Variants in FNDC7 observed in about 807,000 individuals in gnomAD.
FNDC7 encodes fibronectin type III domain containing 7.
In FNDC7, 66 loss-of-function variants were observed where a neutral mutation model predicts 74.2. The observed-to-expected ratio is 0.89, with a 90% confidence interval of 0.73 to 1.09. FNDC7 has a LOEUF of 1.09. Ranked by LOEUF, FNDC7 falls within the 50% of genes least tolerant of loss-of-function variation. The pLI is 0.00. For missense variants in FNDC7, 829 were observed against 893.4 expected, an observed-to-expected ratio of 0.93 and a Z score of 0.92; for synonymous variants, 307 against 330.2, an observed-to-expected ratio of 0.93 and a Z score of 0.76.
At chr1:108,727,355 A>C (rs553824728) in intron 6 of FNDC7, among the ~76,000 whole-genome samples, 11 of 151,378 alleles carry the variant, frequency 7.3e-5, no homozygotes, top group Middle Eastern at 3.4e-3. Flanking sequence ...ACAACAACAA[A>C]AAAACTACTT....
chr1:108,718,285 A>C (rs1661021840), intron 3 of FNDC7, among the ~76,000 whole-genome samples: 1 of 152,186 alleles, frequency 6.6e-6, no homozygotes, highest in Non-Finnish European at 1.5e-5. Flanking sequence ...CCAGCTTTTA[A>C]ATCTCTGAAA....
intron 10 of FNDC7, among the ~76,000 whole-genome samples, chr1:108,734,030 T>C (rs1008934533): frequency 2.0e-5 from 3 of 152,220 alleles, no homozygotes; most frequent in African/African-American, 7.2e-5. Flanking sequence ...TGATGCTTTA[T>C]TTAATTTAGA....
chr1:108,726,145 T>A (rs1361500944), intron 6 of FNDC7, 141 bp downstream of exon 6: 1 of 1,130,574 alleles, frequency 8.8e-7, no homozygotes. Context: ...TTATCTCACA[T>A]TCTTTCCAGA....
chr1:108,733,654 T>C (rs948944975), intron 10 of FNDC7, 122 bp downstream of exon 10: 11 of 898,784 alleles, frequency 1.2e-5, no homozygotes, highest in South Asian at 4.4e-5. Context: ...TCTTTCTTTT[T>C]TTTTTTTTTT....
chr1:108,715,669 G>GCACA (rs113717600), intron 2 of FNDC7, among the ~76,000 whole-genome samples: 2,183 of 135,908 alleles, frequency 0.016, 15 homozygotes, highest in South Asian at 0.036. Flanking sequence ...GCGTGCGCGC[G>GCACA]CGCACACACA....
At chr1:108,737,242 A>G (rs751523370) in intron 10 of FNDC7, among the ~76,000 whole-genome samples, 3 of 152,146 alleles carry the variant, frequency 2.0e-5, no homozygotes, top group Non-Finnish European at 4.4e-5. Flanking sequence ...AAGTGCTGGG[A>G]TTACAGGTGT....
At chr1:108,731,393 T>A (rs1157930080) in intron 9 of FNDC7, among the ~76,000 whole-genome samples, 1 of 152,266 alleles carries the variant, frequency 6.6e-6, no homozygotes, top group East Asian at 1.9e-4. Context: ...GACAGTATTG[T>A]ACCTTGTTCT....
At chr1:108,714,069 G>C (rs1180822777) in intron 2 of FNDC7, among the ~76,000 whole-genome samples, 1 of 152,104 alleles carries the variant, frequency 6.6e-6, no homozygotes, top group Non-Finnish European at 1.5e-5. Flanking sequence ...CATCTTTCTT[G>C]AGTAGATAAC....
At chr1:108,719,728 G>C (rs1171441738) in intron 4 of FNDC7, among the ~76,000 whole-genome samples, 1 of 147,114 alleles carries the variant, frequency 6.8e-6, no homozygotes, top group Non-Finnish European at 1.5e-5. Context: ...TTGAGCTGCT[G>C]GAGTGAGCCA....
At chr1:108,731,628 G>T (rs535943447) in intron 9 of FNDC7, among the ~76,000 whole-genome samples, 53 of 152,202 alleles carry the variant, frequency 3.5e-4, no homozygotes, top group Non-Finnish European at 6.5e-4. Flanking sequence ...GCATCCTAGA[G>T]GTAGTAGAAA....
At chr1:108,736,578 T>G (rs1661520060) in intron 10 of FNDC7, among the ~76,000 whole-genome samples, 1 of 152,258 alleles carries the variant, frequency 6.6e-6, no homozygotes, top group Non-Finnish European at 1.5e-5. Context: ...TTCTTTCTCC[T>G]GCTCCATGCC....
Position 108,726,491 on chromosome 1 carries a change from C to G in FNDC7, c.1111+487C>G, listed in dbSNP as rs115150846. On this transcript the variant is annotated intron_variant, in intron 6 of 12. Coordinates refer to ENST00000370017, the MANE Select transcript of FNDC7 (RefSeq NM_001144937.3). ...ATAATGATGCCCACCTTGCTAGTTC[C>G]TTAGTATCCTCCACTGCAAAATGGG... 5.7e-3 allele frequency among the ~76,000 whole-genome samples: 867 copies of G among 152,230 alleles called. 14 individuals carry two copies. The highest frequency in any genetic ancestry group is 0.02 in the African/African-American group (830 of 41,556).
At chr1:108,724,598 AC>A (rs1172254070) in intron 5 of FNDC7, among the ~76,000 whole-genome samples, 5 of 151,800 alleles carry the variant, frequency 3.3e-5, no homozygotes, top group African/African-American at 1.2e-4. Flanking sequence ...TACAAAAAAT[AC>A]AAAAATTAGC....
Position 108,718,809 on chromosome 1 carries a change from G to T in FNDC7, c.358G>T (p.Glu120Ter), listed in dbSNP as rs765002649. 8.4e-6 allele frequency: 13 copies of T among 1,551,670 alleles called. No individual in the cohort carries two copies. In the African/African-American group the frequency reaches 1.1e-4, roughly 13 times the overall value. Residue 120 changes from glutamate to a stop codon, truncating the protein, a stop_gained, in exon 4 of 13, where the codon GAA (glutamate) becomes TAA (stop). Transcript: ENST00000370017. LOFTEE classifies it high-confidence loss of function. ...AKTVLAAPIL[E>*]VSSPSSDSIL... The stretch of plus-strand genomic sequence containing the variant: ...TTTAGTGTTGGCTGCACCAATTCTA[G>T]AAGTAAGCTCTCCAAGTTCAGACTC...
intron 5 of FNDC7, among the ~76,000 whole-genome samples, chr1:108,723,090 C>A (rs937569234): frequency 2.6e-5 from 4 of 152,140 alleles, no homozygotes; most frequent in African/African-American, 9.7e-5. Flanking sequence ...GTTGACTCCT[C>A]TATTTAGAAA....
chr1:108,720,867 C>T (rs1661078352), intron 4 of FNDC7, among the ~76,000 whole-genome samples: 1 of 152,200 alleles, frequency 6.6e-6, no homozygotes, highest in Admixed American at 6.5e-5. Flanking sequence ...AATAAGGCTA[C>T]ATTCTGAGAG....
At chr1:108,717,648 C>A in intron 2 of FNDC7, 129 bp from the exon 3 acceptor site, 1 of 969,326 alleles carries the variant, frequency 1.0e-6, no homozygotes, top group Non-Finnish European at 1.5e-6. Context: ...TTTCCTTGAT[C>A]TGAATAATAA....
At position 108,741,975 on chromosome 1, in the gene FNDC7, A is replaced by C; in HGVS notation, c.*88A>C. 7.1e-6 allele frequency: 5 copies of C among 703,548 alleles called. No individual in the cohort carries two copies. The highest frequency in any genetic ancestry group is 1.2e-5 in the Non-Finnish European group (5 of 422,636). The allele number at this position is 703,548 out of a possible 1,614,324, so 43.6% of individuals were successfully genotyped here. On this transcript the variant is annotated 3_prime_UTR_variant, in exon 13 of 13. Transcript: ENST00000370017. ...AGATGGAAAAGATCTACTAGAATGTAGAATAAAAATGCCTCTAGGATAGGA... is the reference window on the plus strand; with the variant it reads ...AGATGGAAAAGATCTACTAGAATGTCGAATAAAAATGCCTCTAGGATAGGA...
In FNDC7 at chr1:108,728,842, A is replaced by G. The variant is rs199522040; in HGVS notation, c.1580A>G (p.Gln527Arg). 1.5e-5 allele frequency: 24 copies of G among 1,614,246 alleles called. No homozygotes were observed. ...TCTGTCACTGCTGTGGCCGAAACAC[A>G]GGCAGGACGGAGCCTGCCCAGCTAC... ...VFSVTAVAET[Q>R]AGRSLPSYSV... Residue 527 changes from glutamine (Q) to arginine (R), a missense_variant, in exon 8 of 13, where the codon CAG becomes CGG. By Grantham distance (43) the Gln-to-Arg change is conservative (BLOSUM62 1). Coordinates refer to ENST00000370017, the MANE Select transcript of FNDC7 (RefSeq NM_001144937.3).
Sources: gnomAD v4.1 joint callset for allele counts (sites outside exome capture counted in the v4.1 genomes callset) on GRCh38, gnomAD v4.1.1 for gene constraint, MANE v1.5 for transcripts, NCBI Gene and HGNC (gene_info 2026-07-23, HGNC 2026-07-21) for gene names.